RFFL: variants seen among roughly 807,000 people sequenced by gnomAD.
RFFL encodes the protein ring finger and FYVE like domain containing E3 ubiquitin protein ligase.
Under a neutral mutation model 40.4 loss-of-function variants are expected in RFFL, and 16 were observed. The ratio of observed to expected loss-of-function variants is 0.40; its 90% CI spans 0.27 to 0.60. RFFL has a LOEUF of 0.60. RFFL is among the 20% of genes least tolerant of loss of function. The pLI is 0.47. For missense variants in RFFL, 367 were observed against 451.7 expected (o/e 0.81, Z 1.70); for synonymous variants, 154 against 167.9 (o/e 0.92, Z 0.64).
chr17:35,088,632 T>C (rs1335964374), intron 1 of RFFL: 2 of 152,628 alleles, frequency 1.3e-5, no homozygotes, highest in East Asian at 3.9e-4. Flanking sequence ...ATTCCCAAAC[T>C]TCTCCATCAA....
In RFFL at chr17:35,063,277, A is replaced by G. The variant is rs556773659; in HGVS notation, c.-9+299T>C. ...TCGAAACCAGACTGACCAACACAGC[A>G]AAACCCTGTCTCTACTAAAAATACA... On this transcript the variant is annotated intron_variant, in intron 1 of 6. Transcript: ENST00000394597. 5.3e-5 allele frequency among the ~76,000 whole-genome samples: 8 copies of G among 151,790 alleles called. 1 individual carries two copies. In the South Asian group the frequency reaches 1.7e-3, roughly 32 times the overall value.
upstream of RFFL, among the ~76,000 whole-genome samples, chr17:35,067,934 A>C (rs771483133): frequency 6.6e-6 from 1 of 152,222 alleles, no homozygotes; most frequent in Non-Finnish European, 1.5e-5. Context: ...CAAGAACCAC[A>C]AAAAATACAA....
At chr17:35,078,979 CAAAAAA>C (rs1035264568) in intron 1 of RFFL, among the ~76,000 whole-genome samples, 1 of 77,250 alleles carries the variant, frequency 1.3e-5, no homozygotes, top group Non-Finnish European at 2.9e-5. Flanking sequence ...GACACTGTTT[CAAAAAA>C]AAAAAAAAAA....
At chr17:35,069,552 A>C (rs1210325610) in intron 1 of RFFL, 6 of 312,846 alleles carry the variant, frequency 1.9e-5, no homozygotes, top group Non-Finnish European at 3.8e-5. Flanking sequence ...AGTAGTACTT[A>C]GGAAAACACT....
At position 35,012,084 on chromosome 17, in the gene RFFL, A is replaced by G. The variant is rs763463266; in HGVS notation, c.976T>C (p.Cys326Arg). Residue 326 changes from cysteine (C) to arginine (R), a missense_variant, in exon 7 of 7, where the codon TGT (cysteine) becomes CGT (arginine). Coordinates refer to ENST00000394597, the MANE Select transcript of RFFL (RefSeq NM_001017368.2). ...ATGTGGCCACACTCCAGAAGAACACAGTCAATGGGTGAGTCCATGCAGATC... is the reference window on the plus strand; with the variant it reads ...ATGTGGCCACACTCCAGAAGAACACGGTCAATGGGTGAGTCCATGCAGATC... ...CKICMDSPID[C>R]VLLECGHMVT... The G allele has an allele frequency of 1.2e-6, 2 of 1,614,202 alleles. No individual in the cohort carries two copies. The highest frequency in any genetic ancestry group is 1.3e-5 in the African/African-American group (1 of 75,050).
rs2090931603 is a variant in RFFL, at chr17:35,010,649, G to C, written c.*1319C>G. ...CGCCTATAATCCCAGCTACTCTGGA[G>C]GCTAAGGCAGGAGAATAGCTTGAAC... On this transcript the variant is annotated 3_prime_UTR_variant, in exon 7 of 7. Coordinates refer to ENST00000394597, the MANE Select transcript of RFFL (RefSeq NM_001017368.2). 6.6e-6 allele frequency: 1 copy of C among 152,210 alleles called. No homozygotes were observed. Among genetic ancestry groups the C allele is most frequent in the Non-Finnish European group, 1.5e-5 (1 of 68,210 alleles). The allele number at this position is 152,210 out of a possible 1,614,324, so 9.4% of individuals were successfully genotyped here.
chr17:35,057,927 G>A (rs867269422), intron 1 of RFFL, among the ~76,000 whole-genome samples: 1 of 151,628 alleles, frequency 6.6e-6, no homozygotes, highest in Non-Finnish European at 1.5e-5. Context: ...TTAGATACTC[G>A]AAAGCAAAGC....
chr17:35,053,493 A>C (rs1432435941), intron 1 of RFFL, among the ~76,000 whole-genome samples: 1 of 152,232 alleles, frequency 6.6e-6, no homozygotes, highest in Non-Finnish European at 1.5e-5. Context: ...TATTTCACAA[A>C]GCTTAGATGG....
intron 4 of RFFL, 130 bp downstream of exon 4, chr17:35,017,393 C>T: frequency 1.5e-6 from 1 of 667,614 alleles, no homozygotes; most frequent in Admixed American, 2.2e-5. Flanking sequence ...TAAACCCTAC[C>T]CCAAAAATAT....
intron 1 of RFFL, among the ~76,000 whole-genome samples, chr17:35,036,065 C>A (rs996129435): frequency 2.0e-5 from 3 of 152,180 alleles, no homozygotes; most frequent in Non-Finnish European, 4.4e-5. Context: ...TAGAAGTACT[C>A]TCCTGCCAAA....
chr17:35,084,114 C>A (rs1157751444), intron 1 of RFFL, among the ~76,000 whole-genome samples: 1 of 152,128 alleles, frequency 6.6e-6, no homozygotes, highest in Admixed American at 6.5e-5. Flanking sequence ...TGGCGCGTGC[C>A]TGTAATCCCA....
chr17:35,025,309 G>A (rs1331972874), intron 2 of RFFL: 2 of 152,184 alleles, frequency 1.3e-5, no homozygotes, highest in African/African-American at 4.8e-5. Context: ...TCCCGGCTCT[G>A]TCATTTAATA....
chr17:35,088,173 C>A (rs1177666921), intron 1 of RFFL, among the ~76,000 whole-genome samples: 1 of 152,188 alleles, frequency 6.6e-6, no homozygotes, highest in Non-Finnish European at 1.5e-5. Context: ...AGGCCACATG[C>A]ACCCCGGGAT....
In RFFL at chr17:35,072,631, T is replaced by C. The variant is rs78665610; in HGVS notation, c.-9+16474A>G. ...CATGTCAGTTTCCTGGTGTTGATAT[T>C]GTACTATGGTTAAATGAGACATAAC... is the stretch of plus-strand genomic sequence containing the variant. On this transcript the variant is annotated intron_variant, in intron 1 of 6. Transcript: ENST00000315249. 6.4e-3 allele frequency among the ~76,000 whole-genome samples: 979 copies of C among 151,998 alleles called. 11 individuals are homozygous for C. The highest frequency in any genetic ancestry group is 0.022 in the African/African-American group (925 of 41,440).
chr17:35,063,451 G>T, intron 1 of RFFL, 125 bp downstream of exon 1: 1 of 55,522 alleles, frequency 1.8e-5, no homozygotes, highest in South Asian at 7.2e-4. Context: ...GTGAAACTCC[G>T]TCTCAAAAAA....
chr17:35,053,894 A>G (rs1402804284), intron 1 of RFFL, among the ~76,000 whole-genome samples: 1 of 152,212 alleles, frequency 6.6e-6, no homozygotes, highest in Non-Finnish European at 1.5e-5. Context: ...TTCATTCTAA[A>G]ATAATAAATT....
At chr17:35,081,470 C>A (rs1226985842) in intron 1 of RFFL, among the ~76,000 whole-genome samples, 3 of 152,136 alleles carry the variant, frequency 2.0e-5, no homozygotes, top group South Asian at 4.1e-4. Flanking sequence ...TGCAAAAATT[C>A]ACGTGCTAGT....
At chr17:35,075,188 C>T (rs1405883575) in intron 1 of RFFL, among the ~76,000 whole-genome samples, 1 of 152,182 alleles carries the variant, frequency 6.6e-6, no homozygotes, top group Admixed American at 6.5e-5. Context: ...CAACATGCTA[C>T]CCTGCTGAAC....
intron 1 of RFFL, among the ~76,000 whole-genome samples, chr17:35,044,728 A>T (rs2034297356): frequency 6.6e-6 from 1 of 152,200 alleles, no homozygotes; most frequent in Non-Finnish European, 1.5e-5. Context: ...TTCTTCAAAC[A>T]CCAAGGTTAT....
Sources: gnomAD v4.1 joint callset for allele counts (sites outside exome capture counted in the v4.1 genomes callset) on GRCh38, gnomAD v4.1.1 for gene constraint, MANE v1.5 for transcripts, NCBI Gene and HGNC (gene_info 2026-07-23, HGNC 2026-07-21) for gene names.